Variants in LRMDA observed in about 807,000 individuals in gnomAD.
LRMDA encodes leucine-rich melanocyte differentiation-associated protein.
A neutral mutation model predicts 29.8 loss-of-function variants in LRMDA; 18 were observed. The observed-to-expected ratio is 0.60, with a 90% CI of 0.42 to 0.90. LRMDA has a LOEUF of 0.90. Ranked by LOEUF, LRMDA falls within the 40% of genes least tolerant of loss-of-function variation. The probability of loss-of-function intolerance (pLI) is 0.00; values close to 1 mark genes in which losing one functional copy is unlikely to be tolerated. For missense variants in LRMDA, 273 were observed against 273.9 expected, an observed-to-expected ratio of 1.00 and a Z score of 0.02; for synonymous variants, 125 against 109.4, an observed-to-expected ratio of 1.14 and a Z score of -0.89.
intron 6 of LRMDA, among the ~76,000 whole-genome samples, chr10:76,342,322 G>T (rs1202256674): frequency 5.3e-5 from 8 of 152,076 alleles, no homozygotes; most frequent in Admixed American, 3.9e-4. Flanking sequence ...CTGTAGAATA[G>T]CTAGAGAAGT....
intron 2 of LRMDA, among the ~76,000 whole-genome samples, chr10:75,754,761 G>C (rs1003189395): frequency 6.6e-6 from 1 of 151,610 alleles, no homozygotes; most frequent in African/African-American, 2.4e-5. Context: ...CCTTCATCCA[G>C]CTAGCAGGAA....
chr10:75,720,499 G>A (rs1217706609), intron 2 of LRMDA, among the ~76,000 whole-genome samples: 2 of 152,126 alleles, frequency 1.3e-5, no homozygotes, highest in African/African-American at 4.8e-5. Flanking sequence ...GTTTTCCTGT[G>A]CCCATTCTGT....
chr10:75,935,834 C>CT (rs1029672606), intron 2 of LRMDA, among the ~76,000 whole-genome samples: 2 of 152,062 alleles, frequency 1.3e-5, no homozygotes, highest in African/African-American at 4.8e-5. Context: ...GCCTGCCCTC[C>CT]TCCCAGAGGT....
intron 5 of LRMDA, among the ~76,000 whole-genome samples, chr10:76,106,823 C>T (rs760710703): frequency 9.2e-5 from 14 of 152,180 alleles, no homozygotes; most frequent in Admixed American, 3.9e-4. Context: ...TTCTCTGTAG[C>T]GACAGAAGGT....
intron 5 of LRMDA, among the ~76,000 whole-genome samples, chr10:76,120,863 C>T (rs1446172448): frequency 6.7e-6 from 1 of 148,400 alleles, no homozygotes; most frequent in African/African-American, 2.5e-5. Context: ...GACGGAGTCT[C>T]GCTGTGTCAT....
chr10:76,067,434 G>C (rs796419951), intron 5 of LRMDA, among the ~76,000 whole-genome samples: 1 of 152,176 alleles, frequency 6.6e-6, no homozygotes, highest in Non-Finnish European at 1.5e-5. Context: ...TTTTTATTAA[G>C]TTTGAAAGGA....
chr10:75,523,393 A>T (rs1490206194), intron 2 of LRMDA, among the ~76,000 whole-genome samples: 2 of 152,128 alleles, frequency 1.3e-5, no homozygotes, highest in African/African-American at 4.8e-5. Flanking sequence ...AAAGGAGAAA[A>T]AGAGCTCATA....
At chr10:76,012,835 A>G (rs1193175903) in intron 2 of LRMDA, among the ~76,000 whole-genome samples, 1 of 152,198 alleles carries the variant, frequency 6.6e-6, no homozygotes, top group East Asian at 1.9e-4. Flanking sequence ...ATATAAGCCC[A>G]TGCAGTCTCA....
chr10:76,268,463 C>T (rs1480634760), intron 5 of LRMDA, among the ~76,000 whole-genome samples: 2 of 152,190 alleles, frequency 1.3e-5, no homozygotes, highest in African/African-American at 4.8e-5. Context: ...ATTTACACCT[C>T]TCTCTTTTCA....
At chr10:75,560,746 A>C (rs1317379424) in intron 2 of LRMDA, among the ~76,000 whole-genome samples, 1 of 151,544 alleles carries the variant, frequency 6.6e-6, no homozygotes, top group East Asian at 1.9e-4. Flanking sequence ...AGCATGAAGC[A>C]TTGTTGAATT....
At chr10:75,446,000 T>A (rs1844390153) in intron 2 of LRMDA, among the ~76,000 whole-genome samples, 1 of 152,214 alleles carries the variant, frequency 6.6e-6, no homozygotes, top group East Asian at 1.9e-4. Flanking sequence ...CTTTGGAGTT[T>A]GGGAAACTTC....
At chr10:75,960,598 T>G (rs1846746967) in intron 2 of LRMDA, among the ~76,000 whole-genome samples, 1 of 152,162 alleles carries the variant, frequency 6.6e-6, no homozygotes. Context: ...AATCCTTTTT[T>G]GTTGATTTTT....
chr10:76,231,439 A>G (rs1390367610), intron 5 of LRMDA, among the ~76,000 whole-genome samples: 1 of 152,234 alleles, frequency 6.6e-6, no homozygotes, highest in African/African-American at 2.4e-5. Context: ...GCTGCTTAAT[A>G]CACAAGTGTG....
intron 5 of LRMDA, among the ~76,000 whole-genome samples, chr10:76,284,400 C>G (rs1301934843): frequency 1.3e-5 from 2 of 152,210 alleles, no homozygotes; most frequent in East Asian, 3.9e-4. Flanking sequence ...CAGGCAGCCA[C>G]TAGGAGCTGG....
At chr10:76,154,005 C>A (rs910673172) in intron 5 of LRMDA, among the ~76,000 whole-genome samples, 3 of 152,180 alleles carry the variant, frequency 2.0e-5, no homozygotes, top group African/African-American at 7.2e-5. Context: ...ATATCTGAAA[C>A]CTGCATGAAA....
intron 2 of LRMDA, among the ~76,000 whole-genome samples, chr10:75,586,341 C>A: frequency 1.3e-5 from 1 of 78,348 alleles, no homozygotes; most frequent in East Asian, 5.6e-4. Context: ...TTCACCAACA[C>A]GTCTTTTTTT....
At chr10:76,174,681 C>T (rs1850900074) in intron 5 of LRMDA, among the ~76,000 whole-genome samples, 1 of 152,198 alleles carries the variant, frequency 6.6e-6, no homozygotes. Flanking sequence ...AGGGTAGCAA[C>T]AATCTAGGAC....
chr10:75,887,430 G>T (rs1469806137), intron 2 of LRMDA, among the ~76,000 whole-genome samples: 3 of 152,128 alleles, frequency 2.0e-5, no homozygotes, highest in Non-Finnish European at 2.9e-5. Context: ...GTTGACGGAG[G>T]CCTGGGTGGG....
intron 2 of LRMDA, among the ~76,000 whole-genome samples, chr10:75,658,772 T>G (rs1241807032): frequency 7.0e-6 from 1 of 143,642 alleles, no homozygotes; most frequent in African/African-American, 3.0e-5. Flanking sequence ...AACATTGTGG[T>G]GATAATAGAA....
Sources: allele counts gnomAD v4.1 joint callset (sites outside exome capture counted in the v4.1 genomes callset), GRCh38; gene constraint gnomAD v4.1.1; transcripts MANE v1.5; gene names NCBI Gene and HGNC (gene_info 2026-07-23, HGNC 2026-07-21).